MNAT1: variants seen among roughly 807,000 people sequenced by gnomAD.
MNAT1 encodes the protein MNAT1 component of CDK activating kinase.
A neutral mutation model predicts 42.0 loss-of-function variants in MNAT1; 43 were observed. The ratio of observed to expected loss-of-function variants is 1.02; its 90% confidence interval spans 0.80 to 1.32. The LOEUF is 1.32. MNAT1 is among the 40% of genes most tolerant of loss of function. The probability of loss-of-function intolerance (pLI) is 0.00; values close to 1 mark genes in which losing one functional copy is unlikely to be tolerated. For missense variants in MNAT1, 306 were observed against 350.4 expected (o/e 0.87, Z 1.01); for synonymous variants, 118 against 120.0 (o/e 0.98, Z 0.11).
rs547559606 is a variant in MNAT1, at chr14:60,920,337, A to C, written c.809+40502A>C. ...AGAGGGCTACTTTCTGCATCTTTAC[A>C]CTCTTATGATCCACCTTATATTCAC... On this transcript the variant is annotated intron_variant, in intron 7 of 7. Coordinates refer to ENST00000261245, the MANE Select transcript of MNAT1 (RefSeq NM_002431.4). Among the ~76,000 whole-genome samples the C allele has an allele frequency of 4.6e-5, 7 of 151,956 alleles. No homozygotes were observed. The South Asian group carries it at 1.0e-3, about 23-fold the overall frequency.
chr14:60,819,034 A>G (rs1309090738), intron 6 of MNAT1, among the ~76,000 whole-genome samples, 187 bp downstream of exon 6: 1 of 152,122 alleles, frequency 6.6e-6, no homozygotes. Context: ...TTTTCAGAGT[A>G]TACAACACAA....
At chr14:60,855,102 C>T (rs2139423728) in intron 6 of MNAT1, among the ~76,000 whole-genome samples, 1 of 152,324 alleles carries the variant, frequency 6.6e-6, no homozygotes, top group South Asian at 2.1e-4. Flanking sequence ...CTCCCAGTCT[C>T]CTTAACACTG....
chr14:60,780,420 C>G, intron 1 of MNAT1: 1 of 1,566,690 alleles, frequency 6.4e-7, no homozygotes. Context: ...TTGGAAGTTT[C>G]TTGTTCATTT....
At chr14:60,777,208 A>C (rs570888278) in intron 1 of MNAT1, among the ~76,000 whole-genome samples, 21 of 152,276 alleles carry the variant, frequency 1.4e-4, no homozygotes, top group Admixed American at 3.9e-4. Flanking sequence ...AATATGCTTA[A>C]ATAGCTTTAG....
intron 6 of MNAT1, among the ~76,000 whole-genome samples, chr14:60,838,081 A>G (rs942004768): frequency 6.6e-6 from 1 of 151,670 alleles, no homozygotes; most frequent in African/African-American, 2.4e-5. Context: ...CTAGAGGTTT[A>G]TCAGTTTTCT....
At position 60,926,914 on chromosome 14, in the gene MNAT1, C is replaced by T. The variant is rs533251051; in HGVS notation, c.810-41315C>T. Among the ~76,000 whole-genome samples the T allele has an allele frequency of 1.8e-4, 28 of 152,154 alleles. No homozygotes were observed. In the East Asian group the frequency reaches 5.2e-3, roughly 28 times the overall value. ...ATTCAGGAACCCATAAGATTTGCTTCCTTCAAACAAAAGATGCTCCTATTA... is the reference window on the plus strand; with the variant it reads ...ATTCAGGAACCCATAAGATTTGCTTTCTTCAAACAAAAGATGCTCCTATTA... On this transcript the variant is annotated intron_variant, in intron 7 of 7. Transcript: ENST00000261245.
intron 7 of MNAT1, among the ~76,000 whole-genome samples, chr14:60,897,735 T>C (rs1409963415): frequency 6.6e-6 from 1 of 152,188 alleles, no homozygotes; most frequent in Non-Finnish European, 1.5e-5. Context: ...ATTATTTCTA[T>C]GTGTTGGTAA....
intron 7 of MNAT1, among the ~76,000 whole-genome samples, chr14:60,947,466 T>G (rs965913584): frequency 6.6e-6 from 1 of 152,146 alleles, no homozygotes; most frequent in Non-Finnish European, 1.5e-5. Context: ...GTGGATCTTC[T>G]GAGGTCAGGA....
At chr14:60,944,327 C>G (rs2036232245) in intron 7 of MNAT1, among the ~76,000 whole-genome samples, 1 of 152,038 alleles carries the variant, frequency 6.6e-6, no homozygotes, top group African/African-American at 2.4e-5. Flanking sequence ...GGCATTCAGG[C>G]TTATATGAAT....
At chr14:60,886,656 T>G (rs1181858423) in intron 7 of MNAT1, among the ~76,000 whole-genome samples, 1 of 152,074 alleles carries the variant, frequency 6.6e-6, no homozygotes, top group South Asian at 2.1e-4. Context: ...TGTAATGTTT[T>G]GATTTTTTTT....
chr14:60,746,041 C>T (rs1896603344), intron 1 of MNAT1, among the ~76,000 whole-genome samples: 1 of 152,008 alleles, frequency 6.6e-6, no homozygotes, highest in South Asian at 2.1e-4. Flanking sequence ...TCTTAATTAT[C>T]CAGAGACAGG....
At chr14:60,826,061 T>C (rs574447725) in intron 6 of MNAT1, among the ~76,000 whole-genome samples, 3 of 152,276 alleles carry the variant, frequency 2.0e-5, no homozygotes, top group Admixed American at 6.5e-5. Context: ...AAATAATGAC[T>C]AAGAAATGAG....
rs117493995 is a variant in MNAT1, at chr14:60,845,680, A to G, written c.687+26833A>G. ...AGATGCCTTGTGATAGTTGATAGTT[A>G]CTTCTGCTTTCACTCCGAGCCCTAG... On this transcript the variant is annotated intron_variant, in intron 6 of 7. Coordinates refer to ENST00000261245, the MANE Select transcript of MNAT1 (RefSeq NM_002431.4). Among the ~76,000 whole-genome samples, 162 of 152,194 alleles carry G rather than the reference A, an allele frequency of 1.1e-3. 3 individuals are homozygous for G. The East Asian group carries it at 0.03, about 29-fold the overall frequency.
intron 6 of MNAT1, among the ~76,000 whole-genome samples, chr14:60,853,154 A>G (rs145870755): frequency 6.6e-6 from 1 of 152,118 alleles, no homozygotes; most frequent in East Asian, 1.9e-4. Context: ...CTTTTTCATG[A>G]TATTGACTCT....
chr14:60,909,673 A>G (rs1594859779), intron 7 of MNAT1, among the ~76,000 whole-genome samples: 1 of 152,000 alleles, frequency 6.6e-6, no homozygotes, highest in African/African-American at 2.4e-5. Context: ...GTTCTGTTCC[A>G]TTGGTCTATA....
intron 3 of MNAT1, among the ~76,000 whole-genome samples, chr14:60,807,542 A>T (rs889679899): frequency 1.3e-5 from 2 of 152,218 alleles, no homozygotes; most frequent in African/African-American, 4.8e-5. Flanking sequence ...GGATTCCTCC[A>T]TATGAGTTTA....
chr14:60,904,976 C>CTTTTTTTGTTTTTTTTTTTTT (rs2035163073), intron 7 of MNAT1, among the ~76,000 whole-genome samples: 1 of 79,010 alleles, frequency 1.3e-5, no homozygotes, highest in Non-Finnish European at 2.4e-5. Context: ...TCAGCAGTTC[C>CTTTTTTTGTTTTTTTTTTTTT]TTTTTTTTTT....
intron 7 of MNAT1, among the ~76,000 whole-genome samples, chr14:60,917,625 CTTTTTTGTTTT>C (rs1336736708): frequency 6.8e-6 from 1 of 148,068 alleles, no homozygotes; most frequent in Non-Finnish European, 1.5e-5. Flanking sequence ...TTTTTTGTTT[CTTTTTTGTTTT>C]TTTTTTTATG....
chr14:60,879,888 C>T, intron 7 of MNAT1, 53 bp downstream of exon 7: 1 of 1,556,582 alleles, frequency 6.4e-7, no homozygotes, highest in Non-Finnish European at 8.7e-7. Flanking sequence ...GGACTTATTG[C>T]TGTTCTTAAC....
Sources: allele counts gnomAD v4.1 joint callset (sites outside exome capture counted in the v4.1 genomes callset), GRCh38; gene constraint gnomAD v4.1.1; transcripts MANE v1.5; gene names NCBI Gene and HGNC (gene_info 2026-07-23, HGNC 2026-07-21).